PCDHA9: variants seen among roughly 807,000 people sequenced by gnomAD.
The protein encoded by PCDHA9 is protocadherin alpha-9.
PCDHA9 carries 62 observed loss-of-function variants against 62.0 expected under a neutral mutation model. The ratio of observed to expected loss-of-function variants is 1.00; its 90% confidence interval spans 0.81 to 1.23. The LOEUF is 1.23. Among genes scored for constraint, PCDHA9 ranks in the 50% most tolerant of loss-of-function variants. PCDHA9 has a pLI of 0.00. For synonymous variants in PCDHA9, 557 were observed against 567.6 expected, an observed-to-expected ratio of 0.98 and a Z score of 0.27; for missense variants, 1,205 against 1,249.8, an observed-to-expected ratio of 0.96 and a Z score of 0.54.
intron 1 of PCDHA9, chr5:140,852,727 G>C: frequency 1.0e-6 from 1 of 983,528 alleles, no homozygotes; most frequent in South Asian, 4.8e-5. Flanking sequence ...CGTTTTTCAA[G>C]TTTCATGTGC....
rs1040454233 is a variant in PCDHA9 at position 140,868,818 on chromosome 5, T to C, written c.2394+17929T>C. On this transcript the variant is annotated intron_variant, in intron 1 of 3. Transcript: ENST00000532602. ...CATAAATAAGCACGTTGGAAATATT[T>C]GGGGGAAGAAACCCAAAACACGTGA... 30 of 385,940 alleles carry C rather than the reference T, an allele frequency of 7.8e-5. No individual in the cohort carries two copies. The East Asian group carries it at 1.3e-3, about 16-fold the overall frequency. 23.9% of individuals were successfully genotyped at this position (385,940 alleles called of 1,614,324 possible).
At chr5:140,968,231 T>A in intron 1 of PCDHA9, 1 of 1,614,032 alleles carries the variant, frequency 6.2e-7, no homozygotes. Context: ...TGTGTTGCTC[T>A]GTACTGTGCA....
At chr5:140,947,095 A>T (rs2094086285) in intron 1 of PCDHA9, among the ~76,000 whole-genome samples, 1 of 151,642 alleles carries the variant, frequency 6.6e-6, no homozygotes, top group Non-Finnish European at 1.5e-5. Flanking sequence ...ACTGTAGCCC[A>T]TAAATAGGTA....
In PCDHA9 at chr5:140,887,671, A is replaced by G. The variant is rs1417615702; in HGVS notation, c.2394+36782A>G. Among the ~76,000 whole-genome samples, 4 of 152,008 alleles carry G rather than the reference A, an allele frequency of 2.6e-5. No homozygotes were observed. In the East Asian group the frequency reaches 7.7e-4, roughly 29 times the overall value. The stretch of plus-strand genomic sequence containing the variant: ...ATATTCTTGGATCTGTGGATTTATC[A>G]TTTTCATCAAATTCAGGAAAAAATC... On this transcript the variant is annotated intron_variant, in intron 1 of 3. Transcript: ENST00000532602.
At chr5:140,924,762 G>A (rs1554202136) in intron 1 of PCDHA9, among the ~76,000 whole-genome samples, 1 of 151,856 alleles carries the variant, frequency 6.6e-6, no homozygotes, top group Non-Finnish European at 1.5e-5. Context: ...GAGCATGGTG[G>A]TGCGCGCTTG....
intron 1 of PCDHA9, among the ~76,000 whole-genome samples, chr5:140,954,919 C>T (rs246021): frequency 4.6e-5 from 7 of 151,890 alleles, no homozygotes; most frequent in African/African-American, 1.7e-4. Flanking sequence ...TTATGAATTA[C>T]GTCTTTAATT....
chr5:140,884,479 C>T, intron 1 of PCDHA9: 1 of 1,613,914 alleles, frequency 6.2e-7, no homozygotes, highest in Non-Finnish European at 8.5e-7. Context: ...CGGGCAAGCC[C>T]ACTCTAGTGT....
intron 1 of PCDHA9, among the ~76,000 whole-genome samples, chr5:140,921,929 A>G (rs2080500807): frequency 6.6e-6 from 1 of 152,244 alleles, no homozygotes; most frequent in East Asian, 1.9e-4. Flanking sequence ...CTTATAGTCA[A>G]TATAATTTTA....
intron 1 of PCDHA9, chr5:140,863,507 T>A: frequency 2.4e-6 from 1 of 420,150 alleles, no homozygotes. Flanking sequence ...CTTTTAGTCC[T>A]AGTGTTCTCC....
chr5:140,857,222 G>A (rs373834853), intron 1 of PCDHA9: 1 of 1,598,456 alleles, frequency 6.3e-7, no homozygotes, highest in Non-Finnish European at 8.6e-7. Flanking sequence ...GACGCCTCAC[G>A]TTCCGTTCAA....
In PCDHA9 at chr5:140,990,889, G is replaced by A. The variant is rs569864202; in HGVS notation, c.2542+8326G>A. Among the ~76,000 whole-genome samples, 53 of 152,284 alleles carry A rather than the reference G, an allele frequency of 3.5e-4. 2 individuals are homozygous for A. The South Asian group carries it at 8.3e-3, about 24-fold the overall frequency. Reference sequence around the variant, plus strand: ...TTTAAGTGTATGTTCCAGTGAGTGGGTCGTTGCTGGGTCAAGTTTTATAAG... The same window carrying A: ...TTTAAGTGTATGTTCCAGTGAGTGGATCGTTGCTGGGTCAAGTTTTATAAG... On this transcript the variant is annotated intron_variant, in intron 3 of 3. Transcript: ENST00000532602.
intron 1 of PCDHA9, chr5:140,876,109 A>T: frequency 6.2e-7 from 1 of 1,613,946 alleles, no homozygotes; most frequent in Non-Finnish European, 8.5e-7. Context: ...TTTATTGCTG[A>T]TGGTAATCGA....
intron 3 of PCDHA9, among the ~76,000 whole-genome samples, chr5:141,008,498 T>G (rs2098379874): frequency 6.6e-6 from 1 of 152,158 alleles, no homozygotes. Context: ...CTGGTATACT[T>G]TATGGTGTGT....
At chr5:140,876,561 T>G in intron 1 of PCDHA9, 2 of 1,614,162 alleles carry the variant, frequency 1.2e-6, no homozygotes, top group Non-Finnish European at 1.7e-6. Flanking sequence ...AAGAGGATGC[T>G]CAGGTGGGTA....
At chr5:140,868,887 GGC>G in intron 1 of PCDHA9, 1 of 740,170 alleles carries the variant, frequency 1.4e-6, no homozygotes, top group Non-Finnish European at 2.1e-6. Context: ...CACAGTTTTA[GGC>G]GCAAGGTGTC....
chr5:141,003,074 G>A (rs941146075), intron 3 of PCDHA9, among the ~76,000 whole-genome samples: 2 of 152,224 alleles, frequency 1.3e-5, no homozygotes, highest in Non-Finnish European at 2.9e-5. Flanking sequence ...GCAGATGAGG[G>A]TGAGTTTAAC....
chr5:140,921,630 A>G lies in PCDHA9; in HGVS notation c.2395-57319A>G, dbSNP rs554698507. ...AGAAAAATATCATCAGATCATCATTATGGTAGCTATTTTAAGGGAACTTAA... is the reference window on the plus strand; with the variant it reads ...AGAAAAATATCATCAGATCATCATTGTGGTAGCTATTTTAAGGGAACTTAA... On this transcript the variant is annotated intron_variant, in intron 1 of 3. Coordinates refer to ENST00000532602, the MANE Select transcript of PCDHA9 (RefSeq NM_031857.2). Among the ~76,000 whole-genome samples, 4 of 152,344 alleles carry G rather than the reference A, an allele frequency of 2.6e-5. No homozygotes were observed. The South Asian group carries it at 8.3e-4, about 32-fold the overall frequency.
At chr5:140,931,947 T>C (rs782000891) in intron 1 of PCDHA9, among the ~76,000 whole-genome samples, 1 of 151,972 alleles carries the variant, frequency 6.6e-6, no homozygotes, top group Non-Finnish European at 1.5e-5. Context: ...GTCTGAGTCT[T>C]ACAGAATCAT....
chr5:140,856,901 C>A, intron 1 of PCDHA9: 1 of 1,595,974 alleles, frequency 6.3e-7, no homozygotes, highest in Non-Finnish European at 8.6e-7. Flanking sequence ...CTCTTTGGTC[C>A]CACCCACGAT....
Sources: allele counts gnomAD v4.1 joint callset (sites outside exome capture counted in the v4.1 genomes callset), GRCh38; gene constraint gnomAD v4.1.1; transcripts MANE v1.5; gene names NCBI Gene and HGNC (gene_info 2026-07-23, HGNC 2026-07-21).